Variants in DGKB observed in about 807,000 individuals in gnomAD.
The protein encoded by DGKB is diacylglycerol kinase beta.
A neutral mutation model predicts 114.3 loss-of-function variants in DGKB; 67 were observed. The observed-to-expected ratio is 0.59, with a 90% CI of 0.48 to 0.72. DGKB has a LOEUF of 0.72. Ranked by LOEUF, DGKB falls within the 30% of genes least tolerant of loss-of-function variation. The pLI, the probability that DGKB is intolerant of heterozygous loss-of-function variation, is 0.00. For missense variants in DGKB, 907 were observed against 975.2 expected, an observed-to-expected ratio of 0.93 and a Z score of 0.93; for synonymous variants, 398 against 323.1, an observed-to-expected ratio of 1.23 and a Z score of -2.49.
chr7:14,297,708 A>T (rs1192745974), intron 23 of DGKB, among the ~76,000 whole-genome samples: 3 of 152,198 alleles, frequency 2.0e-5, no homozygotes, highest in East Asian at 1.9e-4. Flanking sequence ...TGGCCAGGGC[A>T]ATCAGGCAAG....
chr7:14,729,162 G>T (rs564978811), intron 5 of DGKB, among the ~76,000 whole-genome samples: 3 of 117,218 alleles, frequency 2.6e-5, no homozygotes, highest in African/African-American at 3.5e-5. Context: ...TCACTCTGTT[G>T]CCCAGGCTGG....
At chr7:14,357,183 A>G (rs1583381424) in intron 21 of DGKB, among the ~76,000 whole-genome samples, 1 of 152,078 alleles carries the variant, frequency 6.6e-6, no homozygotes, top group Non-Finnish European at 1.5e-5. Context: ...TCTGTCTAAT[A>G]TTGACAGTGG....
chr7:14,544,709 A>C (rs1314035463), intron 20 of DGKB, among the ~76,000 whole-genome samples: 2 of 152,174 alleles, frequency 1.3e-5, no homozygotes, highest in Non-Finnish European at 2.9e-5. Context: ...AAAACATTGG[A>C]GTCTGGATAA....
intron 21 of DGKB, among the ~76,000 whole-genome samples, chr7:14,371,658 G>A (rs1262846629): frequency 6.6e-6 from 1 of 151,892 alleles, no homozygotes; most frequent in East Asian, 1.9e-4. Flanking sequence ...TCTTTTGCTA[G>A]GCAGAAGCTC....
At chr7:14,553,924 G>C (rs973445875) in intron 20 of DGKB, among the ~76,000 whole-genome samples, 3 of 134,936 alleles carry the variant, frequency 2.2e-5, no homozygotes, top group Admixed American at 8.4e-5. Flanking sequence ...CCAGGCTGGA[G>C]TGCAGTGGCG....
intron 2 of DGKB, among the ~76,000 whole-genome samples, chr7:14,769,636 T>A (rs1837117059): frequency 6.6e-6 from 1 of 152,052 alleles, no homozygotes; most frequent in African/African-American, 2.4e-5. Context: ...ACCTGGTGAT[T>A]TAAAACTGCA....
intron 1 of DGKB, among the ~76,000 whole-genome samples, chr7:14,893,804 C>T (rs775723989): frequency 3.3e-5 from 5 of 151,236 alleles, no homozygotes; most frequent in Non-Finnish European, 5.9e-5. Context: ...TGATTAATTC[C>T]TGAGTCTCTT....
rs747879530 is a variant in DGKB, at chr7:14,382,431, C to G, written c.1836-37040G>C. Among the ~76,000 whole-genome samples the G allele has an allele frequency of 1.6e-3, 229 of 144,986 alleles. 1 individual carries two copies. Among genetic ancestry groups the G allele is most frequent in the Non-Finnish European group, 2.8e-3 (184 of 66,020 alleles). On this transcript the variant is annotated intron_variant, in intron 21 of 25. Coordinates refer to ENST00000402815, the MANE Select transcript of DGKB (RefSeq NM_001350709.2). The stretch of plus-strand genomic sequence containing the variant: ...TCTATTGCTAATAATCTTTTCAGTG[C>G]TTACATATGTGCATGCCTGTACACA...
upstream of DGKB, among the ~76,000 whole-genome samples, chr7:14,907,352 A>G (rs995545890): frequency 2.0e-5 from 3 of 152,204 alleles, no homozygotes; most frequent in African/African-American, 7.2e-5. Context: ...ACGTGCTTCA[A>G]TTCCCAGCTA....
At position 14,167,534 on chromosome 7, in the gene DGKB, T is replaced by C. The variant is rs143085729; in HGVS notation, c.2304+9305A>G. ...GAGAGATCATGGAGAGGAGGTGGCT[T>C]GAGAAAGCTATCCTATGAAGTTGCA... On this transcript the variant is annotated intron_variant, in intron 25 of 25. Coordinates refer to ENST00000402815, the MANE Select transcript of DGKB (RefSeq NM_001350709.2). Among the ~76,000 whole-genome samples the C allele has an allele frequency of 6.3e-3, 962 of 152,162 alleles. 11 individuals carry two copies. Among genetic ancestry groups the C allele is most frequent in the Non-Finnish European group, 7.1e-3 (481 of 67,992 alleles).
intron 23 of DGKB, among the ~76,000 whole-genome samples, chr7:14,299,568 A>G (rs570785039): frequency 6.6e-6 from 1 of 152,314 alleles, no homozygotes; most frequent in African/African-American, 2.4e-5. Flanking sequence ...AATAGTTAAC[A>G]GTTGAAAACC....
At chr7:14,587,164 A>T (rs193037956) in intron 17 of DGKB, among the ~76,000 whole-genome samples, 1 of 152,292 alleles carries the variant, frequency 6.6e-6, no homozygotes, top group Admixed American at 6.5e-5. Flanking sequence ...TCATGGACAG[A>T]GGTCAAAATA....
At chr7:14,198,854 A>C (rs1785408670) in intron 23 of DGKB, among the ~76,000 whole-genome samples, 1 of 152,014 alleles carries the variant, frequency 6.6e-6, no homozygotes, top group African/African-American at 2.4e-5. Flanking sequence ...GATAGGGGGA[A>C]CCTGGAAGGA....
At chr7:14,867,442 T>C (rs1338467219) in intron 1 of DGKB, among the ~76,000 whole-genome samples, 2 of 152,110 alleles carry the variant, frequency 1.3e-5, no homozygotes, top group Non-Finnish European at 2.9e-5. Context: ...TGTTTTTTTT[T>C]TTAAATGTGG....
chr7:14,896,796 T>C (rs1782171227), intron 1 of DGKB, among the ~76,000 whole-genome samples: 1 of 151,782 alleles, frequency 6.6e-6, no homozygotes, highest in Admixed American at 6.6e-5. Context: ...AGAAAGTAAG[T>C]TTCAAGTCCT....
chr7:14,410,538 A>G (rs1489152984), intron 21 of DGKB, among the ~76,000 whole-genome samples: 1 of 152,098 alleles, frequency 6.6e-6, no homozygotes, highest in East Asian at 1.9e-4. Flanking sequence ...ACATTTATCC[A>G]TTGTTAATAT....
intron 23 of DGKB, among the ~76,000 whole-genome samples, chr7:14,328,638 G>A (rs1039365990): frequency 6.6e-6 from 1 of 151,960 alleles, no homozygotes; most frequent in Non-Finnish European, 1.5e-5. Context: ...AATGGGAACA[G>A]CTTTGTAAAT....
chr7:14,746,592 G>C lies in DGKB; in HGVS notation c.168+7336C>G, dbSNP rs1206053065. Among the ~76,000 whole-genome samples, 5 of 152,196 alleles carry C rather than the reference G, an allele frequency of 3.3e-5. No homozygotes were observed. In the East Asian group the frequency reaches 9.7e-4, roughly 29 times the overall value. On this transcript the variant is annotated intron_variant, in intron 4 of 25. Transcript: ENST00000402815. ...TGGCTCACTGCAACTTCCGCCTCCT[G>C]GGTTCAAGCAATTCTACTGCCTCAG...
At chr7:14,961,817 T>A (rs150658231) in intron 1 of DGKB, among the ~76,000 whole-genome samples, 3 of 152,186 alleles carry the variant, frequency 2.0e-5, no homozygotes, top group Non-Finnish European at 2.9e-5. Flanking sequence ...AGCCCTTTTT[T>A]TAATAGGTGT....
Sources: allele counts gnomAD v4.1 joint callset (sites outside exome capture counted in the v4.1 genomes callset), GRCh38; gene constraint gnomAD v4.1.1; transcripts MANE v1.5; gene names NCBI Gene and HGNC (gene_info 2026-07-23, HGNC 2026-07-21).